Variants in MTHFD1L observed in about 807,000 individuals in gnomAD.
MTHFD1L encodes methylenetetrahydrofolate dehydrogenase (NADP+ dependent) 1 like.
In MTHFD1L, 81 loss-of-function variants were observed where a neutral mutation model predicts 119.5. The ratio of observed to expected loss-of-function variants is 0.68; its 90% confidence interval spans 0.57 to 0.82. The LOEUF (loss-of-function observed/expected upper bound fraction) is 0.82. MTHFD1L is among the 40% of genes least tolerant of loss of function. The probability of loss-of-function intolerance (pLI) is 0.00; values close to 1 mark genes in which losing one functional copy is unlikely to be tolerated. For synonymous variants in MTHFD1L, 430 were observed against 475.2 expected, an observed-to-expected ratio of 0.90 and a Z score of 1.24; for missense variants, 1,125 against 1,253.4, an observed-to-expected ratio of 0.90 and a Z score of 1.55.
intron 20 of MTHFD1L, among the ~76,000 whole-genome samples, chr6:150,975,965 A>T (rs1474888273): frequency 6.6e-6 from 1 of 152,202 alleles, no homozygotes; most frequent in Non-Finnish European, 1.5e-5. Flanking sequence ...GGGGACGCCA[A>T]GGCGGGTGGA....
At chr6:151,090,782 C>A (rs1234808928) in intron 26 of MTHFD1L, among the ~76,000 whole-genome samples, 1 of 152,368 alleles carries the variant, frequency 6.6e-6, no homozygotes, top group East Asian at 1.9e-4. Context: ...ATGGCATTAA[C>A]CCTCGGGAGA....
intron 7 of MTHFD1L, among the ~76,000 whole-genome samples, chr6:150,896,770 A>G (rs1170124334): frequency 6.6e-6 from 1 of 152,090 alleles, no homozygotes; most frequent in East Asian, 1.9e-4. Context: ...TGTTGAGGGA[A>G]GGATTTGTGA....
chr6:150,945,627 G>A, intron 15 of MTHFD1L, 86 bp downstream of exon 15: 1 of 1,380,180 alleles, frequency 7.2e-7, no homozygotes, highest in Non-Finnish European at 1.0e-6. Context: ...TTTTCAACTT[G>A]GTTTGATTTT....
At chr6:151,062,442 A>G (rs1290584461) in intron 26 of MTHFD1L, among the ~76,000 whole-genome samples, 1 of 152,182 alleles carries the variant, frequency 6.6e-6, no homozygotes, top group Non-Finnish European at 1.5e-5. Flanking sequence ...TCAAAAAAAA[A>G]GACCTTTTGC....
At chr6:150,885,878 A>G in intron 6 of MTHFD1L, 144 bp downstream of exon 6, 3 of 616,082 alleles carry the variant, frequency 4.9e-6, no homozygotes, top group Non-Finnish European at 8.2e-6. Context: ...GAAGATTCTA[A>G]TTGAACATAG....
intron 26 of MTHFD1L, among the ~76,000 whole-genome samples, chr6:151,037,459 C>G (rs1005060677): frequency 6.6e-6 from 1 of 152,064 alleles, no homozygotes; most frequent in Non-Finnish European, 1.5e-5. Context: ...ACATAGCACC[C>G]AAAATGATGT....
intron 13 of MTHFD1L, 149 bp downstream of exon 13, chr6:150,938,894 T>G (rs995406205): frequency 2.4e-6 from 2 of 825,512 alleles, no homozygotes; most frequent in East Asian, 5.4e-5. Context: ...GCATAACTCA[T>G]GCAGTGACAA....
rs115238733 is a variant in MTHFD1L at position 151,034,716 on chromosome 6, A to G, written c.2694+116A>G. The G allele has an allele frequency of 4.0e-3, 2,778 of 702,244 alleles. 38 individuals are homozygous for G. In the African/African-American group the frequency reaches 0.04, roughly 10 times the overall value. 43.5% of individuals were successfully genotyped at this position (702,244 alleles called of 1,614,324 possible). A position where few individuals can be genotyped will look rare whatever the true frequency, so the allele number is the denominator to read the frequency against. ...AGCTAACCTTTGCTTAATCTATTGT[A>G]TGGTTAACAAAGATGAAGGTAATAT... On this transcript the variant is annotated intron_variant, in intron 25 of 27. Coordinates refer to ENST00000367321, the MANE Select transcript of MTHFD1L (RefSeq NM_015440.5).
rs186202658 is a variant in MTHFD1L at position 151,053,585 on chromosome 6, C to T, written c.2847+16468C>T. Among the ~76,000 whole-genome samples the T allele has an allele frequency of 2.2e-3, 337 of 152,150 alleles. 3 individuals are homozygous for T. The highest frequency in any genetic ancestry group is 7.8e-3 in the African/African-American group (325 of 41,510). Reference sequence around the variant, plus strand: ...TATATAGTTTAAAACGCTGGCCAGGCGCAGTGGCTCATGCCTATAATCTCA... The same window carrying T: ...TATATAGTTTAAAACGCTGGCCAGGTGCAGTGGCTCATGCCTATAATCTCA... On this transcript the variant is annotated intron_variant, in intron 26 of 27. Coordinates refer to ENST00000367321, the MANE Select transcript of MTHFD1L (RefSeq NM_015440.5).
intron 27 of MTHFD1L, among the ~76,000 whole-genome samples, chr6:151,101,192 A>T (rs1452619225): frequency 6.6e-6 from 1 of 152,114 alleles, no homozygotes; most frequent in African/African-American, 2.4e-5. Context: ...TAAATCCTAA[A>T]TATTCTCATT....
chr6:150,871,564 C>T (rs948649489), intron 1 of MTHFD1L, among the ~76,000 whole-genome samples: 4 of 137,196 alleles, frequency 2.9e-5, no homozygotes, highest in African/African-American at 5.5e-5. Flanking sequence ...TGCAGTGCTG[C>T]GATCTCGGCT....
At chr6:151,019,794 AGTCTT>A (rs1237573403) in intron 24 of MTHFD1L, among the ~76,000 whole-genome samples, 7 of 152,230 alleles carry the variant, frequency 4.6e-5, no homozygotes, top group South Asian at 2.1e-4. Context: ...GACCATTTAC[AGTCTT>A]GTCTTGTCAC....
intron 20 of MTHFD1L, among the ~76,000 whole-genome samples, chr6:150,972,534 C>A (rs1177834038): frequency 6.6e-6 from 1 of 152,200 alleles, no homozygotes; most frequent in Non-Finnish European, 1.5e-5. Flanking sequence ...CCTCGCTACT[C>A]AGGAAGCCGA....
At chr6:150,946,373 C>T (rs766695549) in intron 15 of MTHFD1L, among the ~76,000 whole-genome samples, 10 of 152,252 alleles carry the variant, frequency 6.6e-5, no homozygotes, top group Non-Finnish European at 1.0e-4. Context: ...TGGTCTCAAA[C>T]GCCTGACCTC....
intron 1 of MTHFD1L, among the ~76,000 whole-genome samples, chr6:150,870,931 C>CA (rs949588569): frequency 3.6e-5 from 5 of 139,836 alleles, no homozygotes; most frequent in Non-Finnish European, 6.1e-5. Flanking sequence ...CAAAACAAAA[C>CA]AAAAAAACCC....
intron 24 of MTHFD1L, among the ~76,000 whole-genome samples, chr6:151,022,719 G>A (rs982442551): frequency 2.6e-5 from 4 of 152,180 alleles, no homozygotes; most frequent in African/African-American, 9.6e-5. Flanking sequence ...GCCTGAGTCA[G>A]TAGCCCTTTC....
At chr6:150,921,241 TCCCGA>T (rs1363309005) in intron 9 of MTHFD1L, among the ~76,000 whole-genome samples, 1 of 152,144 alleles carries the variant, frequency 6.6e-6, no homozygotes, top group Non-Finnish European at 1.5e-5. Context: ...TGCCTCAGCC[TCCCGA>T]GTAGCTGGGA....
intron 26 of MTHFD1L, among the ~76,000 whole-genome samples, chr6:151,058,621 G>A (rs927182627): frequency 6.6e-6 from 1 of 152,192 alleles, no homozygotes; most frequent in Non-Finnish European, 1.5e-5. Flanking sequence ...TCTGTGACAA[G>A]GGACAGCCAT....
In MTHFD1L at chr6:150,926,671, G is replaced by A. The variant is rs878986269; in HGVS notation, c.1256+376G>A. 3.3e-5 allele frequency among the ~76,000 whole-genome samples: 5 copies of A among 152,146 alleles called. No individual in the cohort carries two copies. The highest frequency in any genetic ancestry group is 2.1e-4 in the South Asian group (1 of 4,818). The stretch of plus-strand genomic sequence containing the variant: ...TGTGCGTTCTACTTGAAATATTTTC[G>A]TGGAAAAGGTACAGATAATCATATG... On this transcript the variant is annotated intron_variant, in intron 11 of 27. Coordinates refer to ENST00000367321, the MANE Select transcript of MTHFD1L (RefSeq NM_015440.5). This position sits in a 1 kb window ranked among gnomAD's most constrained non-coding sequence, Gnocchi z 4.3.
Sources: gnomAD v4.1 joint callset for allele counts (sites outside exome capture counted in the v4.1 genomes callset) on GRCh38, gnomAD v4.1.1 for gene constraint, Gnocchi (gnomAD v3.1) non-coding constraint, MANE v1.5 for transcripts, NCBI Gene and HGNC (gene_info 2026-07-23, HGNC 2026-07-21) for gene names.